Variants in TEX11 observed in about 807,000 individuals in gnomAD.
The protein encoded by TEX11 is testis expressed 11, also known as testis-expressed protein 11.
In TEX11, 7 loss-of-function variants were observed where a neutral mutation model predicts 84.4. The ratio of observed to expected loss-of-function variants is 0.08; its 90% CI spans 0.05 to 0.16. The LOEUF is 0.16. TEX11 is among the 10% of genes least tolerant of loss of function. TEX11 has a pLI of 1.00. For missense variants in TEX11, 551 were observed against 660.5 expected (o/e 0.83, Z 1.82); for synonymous variants, 264 against 222.8 (o/e 1.18, Z -1.64).
At position 70,642,314 on chromosome X, in the gene TEX11, A is replaced by T. The variant is rs1297279553; in HGVS notation, c.1483+9136T>A. On this transcript the variant is annotated intron_variant, in intron 17 of 29. Transcript: ENST00000374333. ...CCAAAAAGAATCCAGGACCAGATGG[A>T]TTCACAGCCGAATTCTACCAGAGGT... 2.7e-5 allele frequency among the ~76,000 whole-genome samples: 3 copies of T among 111,729 alleles called. No homozygotes were observed. The East Asian group carries it at 8.4e-4, about 31-fold the overall frequency.
chrX:70,861,623 C>A (rs1425337240), intron 4 of TEX11, among the ~76,000 whole-genome samples: 1 of 109,782 alleles, frequency 9.1e-6, no homozygotes, highest in Non-Finnish European at 1.9e-5. Context: ...TGCGCCACCA[C>A]GCCCAGCTAA....
the TEX11 span, among the ~76,000 whole-genome samples, chrX:70,518,523 G>T: frequency 6.5e-4 from 73 of 112,084 alleles, no homozygotes; most frequent in East Asian, 0.018. Flanking sequence ...TACATTTGCT[G>T]AGGAGTGCTT....
At chrX:70,634,570 T>C (rs747516246) in intron 17 of TEX11, among the ~76,000 whole-genome samples, 16 of 110,967 alleles carry the variant, frequency 1.4e-4, no homozygotes, top group African/African-American at 5.2e-4. Context: ...GATGGATGAA[T>C]AGAAGAATGG....
intron 20 of TEX11, among the ~76,000 whole-genome samples, chrX:70,621,483 T>C (rs1323546102): frequency 4.0e-4 from 30 of 74,770 alleles, no homozygotes; most frequent in African/African-American, 1.7e-3. Flanking sequence ...ATCACACCAC[T>C]GCACTCCAGC....
chrX:70,672,889 A>G (rs1452053418), intron 15 of TEX11: 3 of 112,539 alleles, frequency 2.7e-5, no homozygotes, highest in African/African-American at 9.9e-5. Context: ...ACTCAGCTCC[A>G]TATGTAGGCT....
At chrX:70,786,337 G>T (rs997254399) in intron 9 of TEX11, among the ~76,000 whole-genome samples, 1 of 111,285 alleles carries the variant, frequency 9.0e-6, no homozygotes, top group African/African-American at 3.3e-5. Flanking sequence ...TGGGCTTGGG[G>T]GAGGGATAGC....
chrX:70,726,720 G>A (rs1301714577), intron 11 of TEX11, among the ~76,000 whole-genome samples: 2 of 109,957 alleles, frequency 1.8e-5, no homozygotes, highest in Non-Finnish European at 3.8e-5. Context: ...TAGTAGAGAC[G>A]AGGTTTCACC....
chrX:70,858,823 A>C, intron 5 of TEX11, among the ~76,000 whole-genome samples: 1 of 111,460 alleles, frequency 9.0e-6, no homozygotes, highest in Non-Finnish European at 1.9e-5. Context: ...GGATCACCTG[A>C]GCTCAGGAGT....
chrX:70,534,947 A>G (rs1374229876), intron 28 of TEX11, among the ~76,000 whole-genome samples: 1 of 110,533 alleles, frequency 9.0e-6, no homozygotes, highest in Non-Finnish European at 1.9e-5. Flanking sequence ...CCCCCAGCCA[A>G]TATCCTTCCA....
chrX:70,834,936 C>T (rs929941478), intron 7 of TEX11, among the ~76,000 whole-genome samples: 10 of 110,908 alleles, frequency 9.0e-5, no homozygotes, highest in African/African-American at 2.9e-4. Context: ...ATATAAACAA[C>T]GTAAGACACC....
At chrX:70,566,228 T>A (rs1234924957) in intron 25 of TEX11, among the ~76,000 whole-genome samples, 1 of 101,367 alleles carries the variant, frequency 9.9e-6, no homozygotes, top group East Asian at 3.1e-4. Flanking sequence ...TGTATAAGAA[T>A]GCTTGTGATT....
the TEX11 span, among the ~76,000 whole-genome samples, chrX:70,517,915 G>T: frequency 9.0e-6 from 1 of 111,302 alleles, no homozygotes; most frequent in Admixed American, 9.6e-5. Flanking sequence ...GCGTAGAGGT[G>T]TTTATAGTAT....
chrX:70,817,556 C>T (rs1176650606), intron 8 of TEX11, among the ~76,000 whole-genome samples: 1 of 110,717 alleles, frequency 9.0e-6, no homozygotes, highest in Non-Finnish European at 1.9e-5. Flanking sequence ...TGGTGGGACA[C>T]GCCTGTAATG....
intron 2 of TEX11, among the ~76,000 whole-genome samples, chrX:70,892,732 CAA>C (rs375483331): frequency 3.5e-5 from 3 of 84,986 alleles, no homozygotes. Context: ...GACTTAGTCT[CAA>C]AAAAAAAAAA....
intron 13 of TEX11, among the ~76,000 whole-genome samples, chrX:70,720,386 G>A (rs1290262212): frequency 9.0e-6 from 1 of 110,780 alleles, no homozygotes; most frequent in African/African-American, 3.3e-5. Context: ...GGAGAAGGGG[G>A]TAGGGATAGC....
chrX:70,791,718 A>G (rs768497514), intron 9 of TEX11, among the ~76,000 whole-genome samples: 1 of 112,242 alleles, frequency 8.9e-6, no homozygotes, highest in African/African-American at 3.2e-5. Context: ...CCTTAAAACC[A>G]CACAATTACC....
chrX:70,608,756 A>T (rs2089225276), intron 22 of TEX11, among the ~76,000 whole-genome samples: 1 of 109,403 alleles, frequency 9.1e-6, no homozygotes, highest in African/African-American at 3.3e-5. Flanking sequence ...AAAAAAAAAA[A>T]AAATTAAGTA....
intron 2 of TEX11, among the ~76,000 whole-genome samples, chrX:70,887,740 C>A (rs1350343191): frequency 8.9e-6 from 1 of 112,269 alleles, no homozygotes; most frequent in Non-Finnish European, 1.9e-5. Context: ...GTGGTAGCAG[C>A]GGGCCTTGGT....
intron 28 of TEX11, among the ~76,000 whole-genome samples, chrX:70,548,359 G>A (rs1187554198): frequency 9.1e-6 from 1 of 110,066 alleles, no homozygotes; most frequent in Non-Finnish European, 1.9e-5. Flanking sequence ...CATGGCACAT[G>A]TATACATATG....
Sources: allele counts gnomAD v4.1 joint callset (sites outside exome capture counted in the v4.1 genomes callset), GRCh38; gene constraint gnomAD v4.1.1; transcripts MANE v1.5; gene names NCBI Gene and HGNC (gene_info 2026-07-23, HGNC 2026-07-21).